The following SAMMSON variants were observed in gnomAD, a reference collection of about 807,000 sequenced individuals.
The protein encoded by SAMMSON is long intergenic non-protein coding RNA 1212.
intron 7 of SAMMSON, among the ~76,000 whole-genome samples, chr3:70,307,937 C>G (rs1284116460): frequency 6.6e-6 from 1 of 152,208 alleles, no homozygotes; most frequent in Non-Finnish European, 1.5e-5. Flanking sequence ...GCCTTTGCTC[C>G]CTGCATCACC....
intron 4 of SAMMSON, among the ~76,000 whole-genome samples, chr3:70,229,177 G>A (rs1262509075): frequency 6.6e-6 from 1 of 152,110 alleles, no homozygotes; most frequent in East Asian, 1.9e-4. Context: ...TTAGTTATCA[G>A]CATCTTACAC....
chr3:70,296,715 C>T (rs756004086), intron 7 of SAMMSON, among the ~76,000 whole-genome samples: 8 of 152,058 alleles, frequency 5.3e-5, no homozygotes, highest in Admixed American at 1.3e-4. Flanking sequence ...AACTTCTTTT[C>T]TTCATTCACA....
intron 6 of SAMMSON, among the ~76,000 whole-genome samples, chr3:70,264,539 A>T (rs1179914758): frequency 6.6e-6 from 1 of 152,230 alleles, no homozygotes; most frequent in Non-Finnish European, 1.5e-5. Context: ...ATTGGTGAGC[A>T]TGGACTTTGA....
At chr3:70,186,161 T>G (rs1701089880) in intron 4 of SAMMSON, among the ~76,000 whole-genome samples, 2 of 152,188 alleles carry the variant, frequency 1.3e-5, no homozygotes, top group Admixed American at 1.3e-4. Context: ...CTCCAGAAAC[T>G]GGAGGACTTA....
chr3:70,385,398 A>C (rs1198432257), intron 9 of SAMMSON, among the ~76,000 whole-genome samples: 1 of 152,118 alleles, frequency 6.6e-6, no homozygotes, highest in Non-Finnish European at 1.5e-5. Context: ...AGAACATTTC[A>C]TTGTTGTAGG....
intron 4 of SAMMSON, among the ~76,000 whole-genome samples, chr3:70,188,911 T>C (rs1701110651): frequency 6.6e-6 from 1 of 152,188 alleles, no homozygotes; most frequent in South Asian, 2.1e-4. Context: ...AAAGCTAACA[T>C]GAAAACTTTT....
intron 4 of SAMMSON, among the ~76,000 whole-genome samples, chr3:70,136,949 A>G (rs763359729): frequency 1.3e-5 from 2 of 152,204 alleles, no homozygotes; most frequent in Non-Finnish European, 2.9e-5. Context: ...CTTTATGTGT[A>G]TATGATAAAA....
chr3:70,415,650 G>A (rs534359551), intron 2 of SAMMSON, among the ~76,000 whole-genome samples: 48 of 152,266 alleles, frequency 3.2e-4, no homozygotes, highest in African/African-American at 1.1e-3. Flanking sequence ...ATTGTCAGGT[G>A]AGGTCAATCT....
chr3:70,084,550 G>A (rs2067279042), intron 4 of SAMMSON, among the ~76,000 whole-genome samples: 1 of 152,144 alleles, frequency 6.6e-6, no homozygotes, highest in South Asian at 2.1e-4. Flanking sequence ...TGGGAAAGGG[G>A]TACAGGCCCC....
intron 2 of SAMMSON, among the ~76,000 whole-genome samples, chr3:70,422,186 G>C (rs1192012085): frequency 6.6e-6 from 1 of 151,916 alleles, no homozygotes; most frequent in East Asian, 1.9e-4. Context: ...AATATTAAAA[G>C]AGAGGACAGA....
chr3:70,399,437 T>C (rs1701120129), intron 2 of SAMMSON, among the ~76,000 whole-genome samples: 1 of 152,208 alleles, frequency 6.6e-6, no homozygotes, highest in Non-Finnish European at 1.5e-5. Context: ...CCGTATTTTA[T>C]AGAGAGAGTT....
At chr3:70,341,060 G>T (rs562677509) in intron 7 of SAMMSON, among the ~76,000 whole-genome samples, 1 of 152,178 alleles carries the variant, frequency 6.6e-6, no homozygotes, top group African/African-American at 2.4e-5. Flanking sequence ...CAGGCTAAGT[G>T]CCATACATAT....
chr3:70,274,984 T>C (rs1002029605), intron 6 of SAMMSON, among the ~76,000 whole-genome samples: 2 of 152,106 alleles, frequency 1.3e-5, no homozygotes, highest in Non-Finnish European at 2.9e-5. Flanking sequence ...TATTTATCTG[T>C]GAGAATGAAG....
chr3:70,262,214 G>A, intron 6 of SAMMSON, among the ~76,000 whole-genome samples: 1 of 152,160 alleles, frequency 6.6e-6, no homozygotes, highest in East Asian at 1.9e-4. Context: ...ATGATGAAAG[G>A]ATGAAAATGC....
intron 4 of SAMMSON, among the ~76,000 whole-genome samples, chr3:70,236,092 C>T (rs1701605924): frequency 6.6e-6 from 1 of 152,204 alleles, no homozygotes. Context: ...TAGCTCTCTT[C>T]ACTCTTTCCC....
chr3:70,261,712 C>T lies in SAMMSON; in HGVS notation n.674+12042C>T, dbSNP rs115739387. On this transcript the variant is annotated intron_variant and non_coding_transcript_variant, in intron 6 of 9. Transcript: ENST00000642114. The stretch of plus-strand genomic sequence containing the variant: ...ATGCCAAGTTATCTTGCAGATGTAG[C>T]AAAGCCAAAACTGCAAGTCATATAA... 1.7e-3 allele frequency among the ~76,000 whole-genome samples: 253 copies of T among 152,206 alleles called. 1 individual carries two copies. The highest frequency in any genetic ancestry group is 5.9e-3 in the African/African-American group (245 of 41,540).
intron 9 of SAMMSON, among the ~76,000 whole-genome samples, chr3:70,383,156 C>T (rs1286784868): frequency 6.6e-6 from 1 of 151,956 alleles, no homozygotes; most frequent in African/African-American, 2.4e-5. Context: ...AGTTTTTCAT[C>T]TACTTTTTAG....
At chr3:70,098,546 T>C (rs1401699242) in intron 4 of SAMMSON, among the ~76,000 whole-genome samples, 1 of 152,108 alleles carries the variant, frequency 6.6e-6, no homozygotes, top group Non-Finnish European at 1.5e-5. Flanking sequence ...TTATGTATTT[T>C]TTAGTAGAAA....
rs147227219 is a variant in SAMMSON at position 70,281,490 on chromosome 3, T to G, written n.675-9689T>G. On this transcript the variant is annotated intron_variant and non_coding_transcript_variant, in intron 6 of 9. Transcript: ENST00000642114. ...AGTTTCTTGGGTTCTCTGACATGCATTTTCCTTAAAGTCTCTTTAATAGTA... is the reference window on the plus strand; with the variant it reads ...AGTTTCTTGGGTTCTCTGACATGCAGTTTCCTTAAAGTCTCTTTAATAGTA... Among the ~76,000 whole-genome samples, 188 of 152,302 alleles carry G rather than the reference T, an allele frequency of 1.2e-3. 1 individual carries two copies. Among genetic ancestry groups the G allele is most frequent in the African/African-American group, 4.4e-3 (182 of 41,566 alleles).
Sources: allele counts gnomAD v4.1 joint callset (sites outside exome capture counted in the v4.1 genomes callset), GRCh38; gene constraint gnomAD v4.1.1; transcripts MANE v1.5; gene names NCBI Gene and HGNC (gene_info 2026-07-23, HGNC 2026-07-21).